TRPM8: variants seen among roughly 807,000 people sequenced by gnomAD.
The protein encoded by TRPM8 is transient receptor potential cation channel subfamily M member 8.
A neutral mutation model predicts 133.7 loss-of-function variants in TRPM8; 110 were observed. That is an observed-to-expected ratio of 0.82 (90% CI 0.70 to 0.96). TRPM8 has a LOEUF of 0.96. TRPM8 is among the 40% of genes least tolerant of loss of function. TRPM8 has a pLI of 0.00. For synonymous variants in TRPM8, 535 were observed against 532.3 expected, an observed-to-expected ratio of 1.01 and a Z score of -0.07; for missense variants, 1,291 against 1,379.5, an observed-to-expected ratio of 0.94 and a Z score of 1.02.
chr2:233,991,827 T>C (rs915026551), intron 21 of TRPM8, among the ~76,000 whole-genome samples: 3 of 152,226 alleles, frequency 2.0e-5, no homozygotes, highest in African/African-American at 7.2e-5. Context: ...TGGCATTTCT[T>C]GTATATTTAA....
intron 22 of TRPM8, among the ~76,000 whole-genome samples, chr2:233,999,577 G>T (rs555494267): frequency 6.6e-6 from 1 of 151,422 alleles, no homozygotes; most frequent in Admixed American, 6.6e-5. Flanking sequence ...AGCTGAATGC[G>T]CCGGTCCTCT....
At chr2:234,010,034 C>A (rs1302215291) in intron 24 of TRPM8, among the ~76,000 whole-genome samples, 1 of 152,106 alleles carries the variant, frequency 6.6e-6, no homozygotes, top group African/African-American at 2.4e-5. Context: ...TTCGTGGGTA[C>A]AATGTTGTTA....
intron 3 of TRPM8, among the ~76,000 whole-genome samples, chr2:233,931,990 C>T (rs902499217): frequency 2.6e-5 from 4 of 152,194 alleles, no homozygotes; most frequent in East Asian, 1.9e-4. Flanking sequence ...GACTTGAGCC[C>T]GGGCTTTCTG....
chr2:234,005,819 G>C (rs1414720480), intron 22 of TRPM8, among the ~76,000 whole-genome samples: 1 of 151,980 alleles, frequency 6.6e-6, no homozygotes, highest in African/African-American at 2.4e-5. Context: ...GCTGAGGCAG[G>C]AGAATCGCTT....
rs151205278 is a variant in TRPM8 at position 233,939,162 on chromosome 2, C to T, written c.513C>T (p.Ile171=). The part of the protein sequence containing the change: ...MRKIFSRLIY[I]AQSKGAWILT... ...AGATCTTCAGCCGGCTCATCTACAT[C>T]GCGCAGTCCAAAGGTGAGGGTGGGA... is the stretch of plus-strand genomic sequence containing the variant. The change falls in exon 5 of 26, where the codon ATC becomes ATT. Residue 171 remains isoleucine, a synonymous_variant. Coordinates refer to ENST00000324695, the MANE Select transcript of TRPM8 (RefSeq NM_024080.5). 6.2e-7 allele frequency: 1 copy of T among 1,614,056 alleles called. No individual in the cohort carries two copies. Among genetic ancestry groups the T allele is most frequent in the Non-Finnish European group, 8.5e-7 (1 of 1,180,038 alleles).
intron 9 of TRPM8, among the ~76,000 whole-genome samples, chr2:233,951,016 T>C (rs1032933603): frequency 1.3e-5 from 2 of 151,672 alleles, no homozygotes; most frequent in African/African-American, 4.9e-5. Flanking sequence ...GCCTGGACAA[T>C]GTAGTGAGAC....
At chr2:233,991,642 G>A (rs1306456488) in intron 21 of TRPM8, among the ~76,000 whole-genome samples, 1 of 152,156 alleles carries the variant, frequency 6.6e-6, no homozygotes, top group African/African-American at 2.4e-5. Context: ...CATTGTTTTA[G>A]CATCTACTTT....
rs929931505 is a variant in TRPM8 at position 233,937,649 on chromosome 2, A to G, written c.348+140A>G. The G allele has an allele frequency of 6.0e-5, 63 of 1,054,028 alleles. No homozygotes were observed. In the East Asian group the frequency reaches 1.5e-3, roughly 25 times the overall value. The allele number at this position is 1,054,028 out of a possible 1,614,324, so 65.3% of individuals were successfully genotyped here. ...ACCAAAAACGATTGCAGAAAAAGAT[A>G]CATCTTGTAAAAGCCAAAAAGCAGT... On this transcript the variant is annotated intron_variant, in intron 4 of 25. Coordinates refer to ENST00000324695, the MANE Select transcript of TRPM8 (RefSeq NM_024080.5).
chr2:233,930,608 A>G (rs758544226), intron 2 of TRPM8, 60 bp from the exon 3 acceptor site: 99 of 1,156,472 alleles, frequency 8.6e-5, no homozygotes, highest in Non-Finnish European at 1.2e-4. Context: ...AGTATTCATC[A>G]ATATCAGCAA....
At chr2:233,959,283 C>CCCAAA (rs1691371489) in intron 11 of TRPM8, among the ~76,000 whole-genome samples, 1 of 151,710 alleles carries the variant, frequency 6.6e-6, no homozygotes, top group Non-Finnish European at 1.5e-5. Flanking sequence ...GCTTCAGCCT[C>CCCAAA]CCAAAGTGCT....
intron 5 of TRPM8, among the ~76,000 whole-genome samples, chr2:233,941,317 T>G (rs1014752482): frequency 6.6e-6 from 1 of 152,182 alleles, no homozygotes; most frequent in Non-Finnish European, 1.5e-5. Flanking sequence ...TTAGGTTAGC[T>G]CTCAGTTTCA....
intron 21 of TRPM8, among the ~76,000 whole-genome samples, chr2:233,987,987 T>C (rs942039597): frequency 6.6e-6 from 1 of 151,780 alleles, no homozygotes; most frequent in African/African-American, 2.4e-5. Flanking sequence ...TTTTTTTTTT[T>C]CTGTAAATTG....
chr2:233,943,267 C>A (rs916462312), intron 6 of TRPM8, among the ~76,000 whole-genome samples: 3 of 152,052 alleles, frequency 2.0e-5, no homozygotes, highest in East Asian at 1.9e-4. Context: ...CCACTCCCCC[C>A]ACTCCCCAAC....
chr2:234,009,863 G>A lies in TRPM8; in HGVS notation c.3264+1760G>A, dbSNP rs576696183. Among the ~76,000 whole-genome samples, 105 of 152,212 alleles carry A rather than the reference G, an allele frequency of 6.9e-4. 1 individual carries two copies. Among genetic ancestry groups the A allele is most frequent in the African/African-American group, 2.5e-3 (104 of 41,530 alleles). ...ATATAAAATTATATATATTTAAAATGTACAATTTGATGCTTTGATGCATGT... is the reference window on the plus strand; with the variant it reads ...ATATAAAATTATATATATTTAAAATATACAATTTGATGCTTTGATGCATGT... On this transcript the variant is annotated intron_variant, in intron 24 of 25. Transcript: ENST00000324695.
At chr2:233,998,985 C>T (rs1015901231) in intron 22 of TRPM8, among the ~76,000 whole-genome samples, 1 of 152,136 alleles carries the variant, frequency 6.6e-6, no homozygotes, top group African/African-American at 2.4e-5. Context: ...GCTTTGGTAC[C>T]TTCAGGATTT....
At chr2:233,976,321 T>C (rs2125254585) in intron 17 of TRPM8, among the ~76,000 whole-genome samples, 1 of 152,278 alleles carries the variant, frequency 6.6e-6, no homozygotes, top group East Asian at 1.9e-4. Context: ...TGTGCCAATT[T>C]CCTGTGTGCA....
At chr2:234,012,455 GTT>G (rs1341001958) in intron 24 of TRPM8, among the ~76,000 whole-genome samples, 4 of 145,034 alleles carry the variant, frequency 2.8e-5, no homozygotes, top group South Asian at 2.2e-4. Flanking sequence ...AGTCCTAACA[GTT>G]TTTTTTTGTG....
At chr2:233,994,558 G>A (rs904909878) in intron 21 of TRPM8, among the ~76,000 whole-genome samples, 1 of 152,148 alleles carries the variant, frequency 6.6e-6, no homozygotes, top group Non-Finnish European at 1.5e-5. Flanking sequence ...TGCCTTACAC[G>A]GGATCCAGGC....
chr2:234,010,422 G>A (rs981452436), intron 24 of TRPM8, among the ~76,000 whole-genome samples: 4 of 152,150 alleles, frequency 2.6e-5, no homozygotes, highest in African/African-American at 9.7e-5. Flanking sequence ...TGGCTATTGT[G>A]AATCATGCTG....
Sources: allele counts gnomAD v4.1 joint callset (sites outside exome capture counted in the v4.1 genomes callset), GRCh38; gene constraint gnomAD v4.1.1; transcripts MANE v1.5; gene names NCBI Gene and HGNC (gene_info 2026-07-23, HGNC 2026-07-21).